The following COL28A1 variants were observed in gnomAD, a reference collection of about 807,000 sequenced individuals.
The protein encoded by COL28A1 is collagen alpha-1(XXVIII) chain.
COL28A1 carries 161 observed loss-of-function variants against 150.2 expected under a neutral mutation model. The ratio of observed to expected loss-of-function variants is 1.07; its 90% CI spans 0.94 to 1.22. COL28A1 has a LOEUF of 1.22. COL28A1 is among the 50% of genes most tolerant of loss of function. COL28A1 has a pLI of 0.00. For synonymous variants in COL28A1, 552 were observed against 469.7 expected (o/e 1.18, Z -2.26); for missense variants, 1,617 against 1,388.3 (o/e 1.16, Z -2.62).
At chr7:7,403,080 T>A (rs116262039) in intron 27 of COL28A1, among the ~76,000 whole-genome samples, 1,868 of 152,266 alleles carry the variant, frequency 0.012, 46 homozygotes, top group African/African-American at 0.043. Flanking sequence ...CTAGTCAGTG[T>A]ACCATGGGAG....
In COL28A1 at chr7:7,474,821, A is replaced by G. The variant is rs546240706; in HGVS notation, c.1234-152T>C. 5.1e-5 allele frequency: 30 copies of G among 585,050 alleles called. 2 individuals carry two copies. In the South Asian group the frequency reaches 5.9e-4, roughly 11 times the overall value. The allele number at this position is 585,050 out of a possible 1,614,324, so 36.2% of individuals were successfully genotyped here. On this transcript the variant is annotated intron_variant, in intron 14 of 34. Transcript: ENST00000399429. ...TACTACAAATGGGTAATTCTAATTG[A>G]CTCTGAGATTTGCAACTTGCAAAAA...
At chr7:7,368,402 T>C (rs1781050354) in intron 33 of COL28A1, among the ~76,000 whole-genome samples, 1 of 152,004 alleles carries the variant, frequency 6.6e-6, no homozygotes, top group African/African-American at 2.4e-5. Flanking sequence ...TTTTTTGTTT[T>C]TTGCTAGGAA....
chr7:7,353,809 C>T (rs776591176), downstream of COL28A1, among the ~76,000 whole-genome samples: 1 of 152,016 alleles, frequency 6.6e-6, no homozygotes, highest in Non-Finnish European at 1.5e-5. Flanking sequence ...TACTTTTTCT[C>T]CCGTCAAAAT....
chr7:7,537,540 G>A (rs1390125204), upstream of COL28A1, among the ~76,000 whole-genome samples: 1 of 152,158 alleles, frequency 6.6e-6, no homozygotes, highest in Admixed American at 6.5e-5. Context: ...TCAGTAACTT[G>A]TCCGCTGTCA....
intron 14 of COL28A1, among the ~76,000 whole-genome samples, chr7:7,476,865 A>C (rs1012841543): frequency 6.6e-6 from 1 of 152,240 alleles, no homozygotes; most frequent in Non-Finnish European, 1.5e-5. Context: ...AACTACTTTA[A>C]GAGATTTTTC....
At chr7:7,362,179 T>C (rs201285860) in intron 33 of COL28A1, among the ~76,000 whole-genome samples, 2 of 152,244 alleles carry the variant, frequency 1.3e-5, no homozygotes, top group East Asian at 3.9e-4. Context: ...TAAAGTATAA[T>C]AATAAAAAAT....
At chr7:7,431,516 C>T (rs923050125) in intron 25 of COL28A1, 43 of 470,744 alleles carry the variant, frequency 9.1e-5, no homozygotes, top group Admixed American at 6.6e-4. Flanking sequence ...GCCATCCTGG[C>T]GAGTCCCTGA....
intron 27 of COL28A1, among the ~76,000 whole-genome samples, chr7:7,389,321 A>G (rs151004123): frequency 0.025 from 3,743 of 152,152 alleles, 158 homozygotes; most frequent in African/African-American, 0.086. Flanking sequence ...GTATAGTGTT[A>G]TTTCTGAGGC....
chr7:7,454,155 T>C (rs1421438546), intron 16 of COL28A1, among the ~76,000 whole-genome samples: 2 of 152,162 alleles, frequency 1.3e-5, no homozygotes, highest in Non-Finnish European at 2.9e-5. Flanking sequence ...AAGATCTGAG[T>C]TGATCAAGCC....
At position 7,437,400 on chromosome 7, in the gene COL28A1, C is replaced by T. The variant is rs764129274; in HGVS notation, c.1785G>A (p.Gly595=). The change falls in exon 22 of 35, where the codon GGG becomes GGA. Residue 595 remains glycine (G), a synonymous_variant. Transcript: ENST00000399429. ...AATCTCCAAGAATATATACCTTTGG[C>T]CCAGGTGGTCCAGGAATTGATGTTC... is the stretch of plus-strand genomic sequence containing the variant. ...MPGTSIPGPP[G]PKGDRGGPGI... 2.2e-5 allele frequency: 36 copies of T among 1,613,064 alleles called. No homozygotes were observed. The highest frequency in any genetic ancestry group is 5.0e-5 in the Admixed American group (3 of 59,896).
rs1780854111 is a variant in COL28A1, at chr7:7,507,125, C to T, written c.964G>A (p.Gly322Arg). The part of the protein sequence containing the change: ...PGPYGPKGPR[G>R]IQGITGPPGD... ...GGTTTTAACCCCCTTACCTGAATTCCTCTGGGTCCCTTTGGTCCATATGGC... is the reference window on the plus strand; with the variant it reads ...GGTTTTAACCCCCTTACCTGAATTCTTCTGGGTCCCTTTGGTCCATATGGC... The change falls in exon 10 of 35, where the codon GGA becomes AGA. Residue 322 changes from glycine to arginine, a missense_variant. Physicochemically the swap from Gly to Arg is moderately radical, Grantham distance 125 (BLOSUM62 -2). Coordinates refer to ENST00000399429, the MANE Select transcript of COL28A1 (RefSeq NM_001037763.3). 1.6e-6 allele frequency: 2 copies of T among 1,277,786 alleles called. No homozygotes were observed. The highest frequency in any genetic ancestry group is 2.3e-5 in the East Asian group (1 of 43,068). The allele number at this position is 1,277,786 out of a possible 1,614,324, so 79.2% of individuals were successfully genotyped here.
At chr7:7,543,762 C>T in the COL28A1 span, among the ~76,000 whole-genome samples, 142,859 of 151,332 alleles carry the variant, frequency 0.94, 67,677 homozygotes, top group East Asian at 1. Context: ...AATTTATTTA[C>T]TTGTAAGTTA....
chr7:7,440,290 C>T (rs931467025), intron 21 of COL28A1, among the ~76,000 whole-genome samples: 1 of 152,210 alleles, frequency 6.6e-6, no homozygotes, highest in East Asian at 1.9e-4. Flanking sequence ...GCTTTATTAA[C>T]TCTTTTAGTC....
chr7:7,467,658 T>A (rs1348261958), intron 15 of COL28A1, among the ~76,000 whole-genome samples: 1 of 39,284 alleles, frequency 2.5e-5, no homozygotes, highest in African/African-American at 1.9e-4. Context: ...ATATACATTT[T>A]TTTCAGCACC....
intron 6 of COL28A1, among the ~76,000 whole-genome samples, chr7:7,518,349 TATAAG>T (rs748194337): frequency 1.3e-5 from 2 of 152,160 alleles, no homozygotes; most frequent in East Asian, 1.9e-4. Context: ...TTTGGACGTA[TATAAG>T]ATGAGTGAGT....
chr7:7,364,124 C>T (rs764863818), intron 33 of COL28A1, among the ~76,000 whole-genome samples: 3 of 152,172 alleles, frequency 2.0e-5, no homozygotes, highest in Non-Finnish European at 4.4e-5. Context: ...AGTACTGATT[C>T]TCCCCTTCTA....
At chr7:7,398,903 C>G (rs138063736) in intron 27 of COL28A1, among the ~76,000 whole-genome samples, 1 of 152,144 alleles carries the variant, frequency 6.6e-6, no homozygotes, top group Admixed American at 6.5e-5. Flanking sequence ...TACTCCGATG[C>G]CTCCGTTGGT....
At chr7:7,460,254 G>A (rs188987566) in intron 15 of COL28A1, among the ~76,000 whole-genome samples, 1 of 152,282 alleles carries the variant, frequency 6.6e-6, no homozygotes, top group Admixed American at 6.5e-5. Flanking sequence ...GTTGGTCCTT[G>A]CTGGAGGGCA....
intron 23 of COL28A1, among the ~76,000 whole-genome samples, chr7:7,435,433 G>C (rs1409567137): frequency 1.3e-5 from 2 of 152,092 alleles, no homozygotes; most frequent in Non-Finnish European, 2.9e-5. Flanking sequence ...CGAACAATTC[G>C]TCCAAGTTTG....
Sources: gnomAD v4.1 joint callset for allele counts (sites outside exome capture counted in the v4.1 genomes callset) on GRCh38, gnomAD v4.1.1 for gene constraint, MANE v1.5 for transcripts, NCBI Gene and HGNC (gene_info 2026-07-23, HGNC 2026-07-21) for gene names.